MYH15: variants seen among roughly 807,000 people sequenced by gnomAD.
MYH15 encodes myosin-15.
Under a neutral mutation model 240.5 loss-of-function variants are expected in MYH15, and 227 were observed. That is an observed-to-expected ratio of 0.94 (90% CI 0.85 to 1.05). MYH15 has a LOEUF of 1.05. MYH15 is among the 50% of genes least tolerant of loss of function. The probability of loss-of-function intolerance (pLI) is 0.00; values close to 1 mark genes in which losing one functional copy is unlikely to be tolerated. For synonymous variants in MYH15, 785 were observed against 796.7 expected (o/e 0.99, Z 0.25); for missense variants, 2,217 against 2,247.5 (o/e 0.99, Z 0.27).
intron 27 of MYH15, 73 bp downstream of exon 27, chr3:108,428,419 C>G: frequency 6.7e-7 from 1 of 1,499,734 alleles, no homozygotes; most frequent in Non-Finnish European, 8.9e-7. Flanking sequence ...TTTTTCTTTT[C>G]CCTCCCCTCC....
intron 37 of MYH15, 43 bp downstream of exon 37, chr3:108,391,717 G>A: frequency 6.3e-7 from 1 of 1,581,202 alleles, no homozygotes. Context: ...AAGAGGTCTT[G>A]AATTGGGGAC....
intron 27 of MYH15, among the ~76,000 whole-genome samples, chr3:108,427,635 C>CACAGAGAGAGAGAGAG (rs570359637): frequency 3.1e-4 from 45 of 146,632 alleles, no homozygotes; most frequent in South Asian, 8.8e-4. Context: ...CACACACACA[C>CACAGAGAGAGAGAGAG]AGAGAGAGAG....
rs771291583 is a variant in MYH15, at chr3:108,464,683, C to CT, written c.1685dup (p.Lys563GlufsTer4). 6.2e-7 allele frequency: 1 copy of CT among 1,613,652 alleles called. No homozygotes were observed. The stretch of plus-strand genomic sequence containing the variant: ...GTTCAAAATGAGCTTCAAATTTCTT[C>CT]TTATCAGGCTTGGGCTTCTGGAGAT... On this transcript the variant is annotated frameshift_variant, in exon 15 of 41. Transcript: ENST00000693548. LOFTEE classifies it high-confidence loss of function.
intron 35 of MYH15, among the ~76,000 whole-genome samples, chr3:108,397,696 G>T (rs1200533055): frequency 6.6e-6 from 1 of 152,108 alleles, no homozygotes; most frequent in Non-Finnish European, 1.5e-5. Context: ...TTCTTGCTTC[G>T]TGTCACTTAC....
chr3:108,488,286 T>C (rs1383220240), intron 9 of MYH15, among the ~76,000 whole-genome samples: 1 of 152,134 alleles, frequency 6.6e-6, no homozygotes, highest in Non-Finnish European at 1.5e-5. Flanking sequence ...CATGTTGCCA[T>C]ACTTGACAAA....
chr3:108,398,544 G>A, intron 35 of MYH15, 93 bp downstream of exon 35: 1 of 1,203,636 alleles, frequency 8.3e-7, no homozygotes, highest in Non-Finnish European at 1.2e-6. Flanking sequence ...GACTTAACAG[G>A]GCGACTGTGC....
At chr3:108,426,415 C>A (rs1285877794) in intron 27 of MYH15, among the ~76,000 whole-genome samples, 1 of 152,128 alleles carries the variant, frequency 6.6e-6, no homozygotes, top group African/African-American at 2.4e-5. Context: ...TCCCTTGAGA[C>A]CTCAGAGCTT....
chr3:108,490,321 T>C (rs2688259), intron 9 of MYH15, among the ~76,000 whole-genome samples: 27 of 152,234 alleles, frequency 1.8e-4, no homozygotes, highest in African/African-American at 6.5e-4. Context: ...ATTTATACCA[T>C]ACTTAGTCTA....
intron 32 of MYH15, among the ~76,000 whole-genome samples, chr3:108,406,764 T>C (rs901274216): frequency 6.6e-6 from 1 of 152,210 alleles, no homozygotes; most frequent in Non-Finnish European, 1.5e-5. Flanking sequence ...TAGAATGTGT[T>C]GCCATCTAGT....
At chr3:108,386,271 G>A (rs2082383450) in intron 38 of MYH15, among the ~76,000 whole-genome samples, 1 of 152,204 alleles carries the variant, frequency 6.6e-6, no homozygotes, top group Non-Finnish European at 1.5e-5. Context: ...CCTCCCACAT[G>A]GGAAGGCAAA....
chr3:108,458,517 T>C (rs2083043242), intron 18 of MYH15, among the ~76,000 whole-genome samples: 1 of 152,194 alleles, frequency 6.6e-6, no homozygotes, highest in Non-Finnish European at 1.5e-5. Context: ...CAAGCTACTA[T>C]GGAACCTCAG....
intron 25 of MYH15, among the ~76,000 whole-genome samples, chr3:108,432,629 C>T (rs1212082756): frequency 2.0e-5 from 3 of 152,136 alleles, no homozygotes; most frequent in Non-Finnish European, 4.4e-5. Flanking sequence ...CCAGGGTCCC[C>T]GTGCTGCGTG....
In MYH15 at chr3:108,455,716, C is replaced by A. The variant is rs775149321; in HGVS notation, c.2262+20G>T. The A allele has an allele frequency of 1.7e-5, 27 of 1,612,528 alleles. No homozygotes were observed. In the South Asian group the frequency reaches 2.9e-4, roughly 17 times the overall value. Reference sequence around the variant, plus strand: ...CCCCCCATTCGTCTCCAAATGCATTCTTTGCAGTTTTCTGGTTACCTTAGT... The same window carrying A: ...CCCCCCATTCGTCTCCAAATGCATTATTTGCAGTTTTCTGGTTACCTTAGT... On this transcript the variant is annotated intron_variant, in intron 20 of 40. Transcript: ENST00000693548.
At chr3:108,455,412 A>T (rs2083010165) in intron 20 of MYH15, among the ~76,000 whole-genome samples, 1 of 152,234 alleles carries the variant, frequency 6.6e-6, no homozygotes, top group Non-Finnish European at 1.5e-5. Context: ...CATTAGCTCC[A>T]GGAAGCTGAT....
At chr3:108,445,264 T>G (rs923219726) in intron 21 of MYH15, among the ~76,000 whole-genome samples, 1 of 152,216 alleles carries the variant, frequency 6.6e-6, no homozygotes, top group African/African-American at 2.4e-5. Context: ...TGTAAGAGTT[T>G]GTATTTTCAT....
At chr3:108,493,001 A>G in intron 8 of MYH15, 113 bp downstream of exon 8, 1 of 752,170 alleles carries the variant, frequency 1.3e-6, no homozygotes, top group Non-Finnish European at 2.1e-6. Flanking sequence ...GAGAGAGAGA[A>G]AAGGAAAGAA....
At chr3:108,538,031 A>G in the MYH15 span, among the ~76,000 whole-genome samples, 1 of 152,162 alleles carries the variant, frequency 6.6e-6, no homozygotes, top group Non-Finnish European at 1.5e-5. Context: ...GTCATTTCTG[A>G]AAGGCCTGGG....
At chr3:108,423,640 A>G (rs1456149497) in intron 27 of MYH15, among the ~76,000 whole-genome samples, 2 of 152,146 alleles carry the variant, frequency 1.3e-5, no homozygotes, top group Non-Finnish European at 1.5e-5. Flanking sequence ...TGGCATGCTC[A>G]TTTTCTTCCT....
chr3:108,534,714 AAAT>A, the MYH15 span, among the ~76,000 whole-genome samples: 23 of 145,606 alleles, frequency 1.6e-4, 1 homozygote, highest in African/African-American at 5.4e-4. Context: ...AAAAAAAAAA[AAAT>A]TTTTTTTTTT....
Sources: allele counts gnomAD v4.1 joint callset (sites outside exome capture counted in the v4.1 genomes callset), GRCh38; gene constraint gnomAD v4.1.1; transcripts MANE v1.5; gene names NCBI Gene and HGNC (gene_info 2026-07-23, HGNC 2026-07-21).